The following CRELD1 variants were observed in gnomAD, a reference collection of about 807,000 sequenced individuals.
CRELD1 encodes protein disulfide isomerase CRELD1.
A neutral mutation model predicts 58.2 loss-of-function variants in CRELD1; 42 were observed. The ratio of observed to expected loss-of-function variants is 0.72; its 90% CI spans 0.56 to 0.93. The LOEUF (loss-of-function observed/expected upper bound fraction) is 0.93. CRELD1 is among the 40% of genes least tolerant of loss of function. The probability of loss-of-function intolerance (pLI) is 0.00; values close to 1 mark genes in which losing one functional copy is unlikely to be tolerated. For synonymous variants in CRELD1, 222 were observed against 202.0 expected, an observed-to-expected ratio of 1.10 and a Z score of -0.84; for missense variants, 500 against 540.6, an observed-to-expected ratio of 0.92 and a Z score of 0.74.
Position 9,944,862 on chromosome 3 carries a change from G to C in CRELD1, c.*283G>C. ...TTTTTCCTTAATGGTGGCTGCTAGA[G>C]CTTTGGCCCCTGCTTAGGATTAGGT... On this transcript the variant is annotated 3_prime_UTR_variant, in exon 11 of 11. Coordinates refer to ENST00000452070, the MANE Select transcript of CRELD1 (RefSeq NM_001077415.3). The C allele has an allele frequency of 2.1e-6, 1 of 467,066 alleles. No homozygotes were observed. Among genetic ancestry groups the C allele is most frequent in the Non-Finnish European group, 4.0e-6 (1 of 252,496 alleles). 28.9% of individuals were successfully genotyped at this position (467,066 alleles called of 1,614,324 possible).
At chr3:9,941,669 A>C (rs1159014070) in intron 7 of CRELD1, among the ~76,000 whole-genome samples, 1 of 151,758 alleles carries the variant, frequency 6.6e-6, no homozygotes, top group Non-Finnish European at 1.5e-5. Flanking sequence ...GGGTGCCTGT[A>C]GTCCCAGCTA....
chr3:9,938,076 C>T lies in CRELD1; in HGVS notation c.430C>T (p.Pro144Ser). ...LCSDSLKLCCPAGTFGPSCLP... is the reference protein window; with the variant it reads ...LCSDSLKLCCSAGTFGPSCLP... The stretch of plus-strand genomic sequence containing the variant: ...CTCAGATTCCCTGAAGCTCTGCTGC[C>T]CCGCAGGCACCTTCGGGCCCTCCTG... Residue 144 changes from proline to serine, a missense_variant, in exon 5 of 11, where the codon CCC (proline) becomes TCC (serine). Transcript: ENST00000452070. 6.2e-7 allele frequency: 1 copy of T among 1,613,984 alleles called. No homozygotes were observed. Among genetic ancestry groups the T allele is most frequent in the Non-Finnish European group, 8.5e-7 (1 of 1,180,012 alleles).
intron 3 of CRELD1, 98 bp from the exon 4 acceptor site, chr3:9,937,464 T>C (rs898856334): frequency 1.2e-6 from 1 of 819,004 alleles, no homozygotes; most frequent in Non-Finnish European, 2.1e-6. Context: ...GCCTCTCCTT[T>C]GATATTTTCA....
intron 8 of CRELD1, 64 bp downstream of exon 8, chr3:9,942,960 T>A: frequency 6.5e-7 from 1 of 1,544,818 alleles, no homozygotes; most frequent in South Asian, 1.1e-5. Context: ...TCCACACCTG[T>A]CCCTCCAAAC....
chr3:9,943,361 G>A lies in CRELD1; in HGVS notation c.914-20G>A. 6.2e-7 allele frequency: 1 copy of A among 1,613,844 alleles called. No individual in the cohort carries two copies. The highest frequency in any genetic ancestry group is 8.5e-7 in the Non-Finnish European group (1 of 1,179,968). On this transcript the variant is annotated intron_variant, in intron 9 of 10. Transcript: ENST00000452070. The stretch of plus-strand genomic sequence containing the variant: ...GGGTGGGGGGCCCTAGCAGGACTCT[G>A]ACCCCTCCCTCCCCTCAAGATGTGG...
chr3:9,934,656 A>C, intron 2 of CRELD1, 44 bp downstream of exon 2: 1 of 1,600,736 alleles, frequency 6.2e-7, no homozygotes, highest in Non-Finnish European at 8.6e-7. Context: ...ACAGCGATTT[A>C]GAGTGGGGAA....
intron 5 of CRELD1, 64 bp from the exon 6 acceptor site, chr3:9,940,786 A>AGGGAGACCATGGGGAGAGGGAG: frequency 1.4e-6 from 2 of 1,439,628 alleles, no homozygotes; most frequent in East Asian, 4.6e-5. Context: ...GGAGAGGGAG[A>AGGGAGACCATGGGGAGAGGGAG]AAATATTATC....
intron 5 of CRELD1, among the ~76,000 whole-genome samples, chr3:9,939,180 TAAATA>T (rs2085278505): frequency 1.5e-5 from 2 of 135,210 alleles, no homozygotes; most frequent in Non-Finnish European, 3.1e-5. Flanking sequence ...AATAAATAAA[TAAATA>T]AAAGGTCTGT....
intron 5 of CRELD1, among the ~76,000 whole-genome samples, chr3:9,940,403 C>T (rs1446616621): frequency 6.6e-5 from 10 of 152,224 alleles, no homozygotes; most frequent in East Asian, 1.9e-4. Flanking sequence ...AACGAGACTC[C>T]GTCTGCAATC....
chr3:9,940,742 G>A (rs1266733781), intron 5 of CRELD1, 108 bp from the exon 6 acceptor site: 29 of 722,132 alleles, frequency 4.0e-5, no homozygotes, highest in Non-Finnish European at 4.9e-5. Context: ...GGGAGGGGAG[G>A]GGGGGAGGGA....
intron 5 of CRELD1, among the ~76,000 whole-genome samples, chr3:9,939,560 T>C (rs945014762): frequency 6.6e-6 from 1 of 152,186 alleles, no homozygotes; most frequent in Admixed American, 6.5e-5. Flanking sequence ...CCTTCAAGCA[T>C]CTGTTTAACA....
chr3:9,943,647 G>A lies in CRELD1; in HGVS notation c.1048+132G>A, dbSNP rs970459487. On this transcript the variant is annotated intron_variant, in intron 10 of 10. Coordinates refer to ENST00000452070, the MANE Select transcript of CRELD1 (RefSeq NM_001077415.3). The stretch of plus-strand genomic sequence containing the variant: ...CACCCAGCCCCCTGGAGGCTGCACT[G>A]AGACCGGGCTCTACATCTGATCTCC... 10 of 1,571,644 alleles carry A rather than the reference G, an allele frequency of 6.4e-6. No homozygotes were observed. The African/African-American group carries it at 1.2e-4, about 19-fold the overall frequency.
At chr3:9,943,291 G>A in intron 9 of CRELD1, 90 bp from the exon 10 acceptor site, 1 of 1,602,446 alleles carries the variant, frequency 6.2e-7, no homozygotes, top group Non-Finnish European at 8.5e-7. Flanking sequence ...CTGGGCAAGG[G>A]CAGAGGGGAG....
At chr3:9,942,747 C>A in intron 7 of CRELD1, 66 bp from the exon 8 acceptor site, 1 of 1,273,472 alleles carries the variant, frequency 7.9e-7, no homozygotes, top group Non-Finnish European at 1.1e-6. Context: ...CATTCCCCAA[C>A]GGCTCTGGCT....
intron 5 of CRELD1, among the ~76,000 whole-genome samples, chr3:9,940,619 T>C (rs1340114966): frequency 7.0e-6 from 1 of 142,794 alleles, no homozygotes; most frequent in East Asian, 2.1e-4. Flanking sequence ...ATGGCAGCAG[T>C]ACAGTCCAGC....
chr3:9,940,934 A>C lies in CRELD1; in HGVS notation c.545A>C (p.Asp182Ala), dbSNP rs2085348865. The part of the protein sequence containing the change: ...EGTRGGSGHC[D>A]CQAGYGGEAC... The stretch of plus-strand genomic sequence containing the variant: ...ACACGAGGGGGCAGCGGGCACTGTG[A>C]CTGCCAAGCCGGCTACGGGGGTGAG... The change falls in exon 6 of 11, where the codon GAC becomes GCC. Residue 182 changes from aspartate to alanine, a missense_variant. Transcript: ENST00000452070. 6.2e-7 allele frequency: 1 copy of C among 1,613,986 alleles called. No individual in the cohort carries two copies. The highest frequency in any genetic ancestry group is 1.3e-5 in the African/African-American group (1 of 74,928).
intron 7 of CRELD1, among the ~76,000 whole-genome samples, chr3:9,942,580 A>T (rs894876907): frequency 4.6e-5 from 7 of 152,214 alleles, no homozygotes; most frequent in African/African-American, 1.7e-4. Context: ...TCCTGTTTAC[A>T]TCCTGTTGGC....
rs931691266 is a variant in CRELD1 at position 9,937,944 on chromosome 3, A to T, written c.369-71A>T. 5 of 1,105,196 alleles carry T rather than the reference A, an allele frequency of 4.5e-6. No homozygotes were observed. In the African/African-American group the frequency reaches 7.8e-5, roughly 17 times the overall value. 68.5% of individuals were successfully genotyped at this position (1,105,196 alleles called of 1,614,324 possible). On this transcript the variant is annotated intron_variant, in intron 4 of 10. Coordinates refer to ENST00000452070, the MANE Select transcript of CRELD1 (RefSeq NM_001077415.3). Reference sequence around the variant, plus strand: ...TGAATCACAGATTCAGGCATGGGGGAATGGGAACAGCACTTATGACACTAT... The same window carrying T: ...TGAATCACAGATTCAGGCATGGGGGTATGGGAACAGCACTTATGACACTAT...
chr3:9,943,388 T>C lies in CRELD1; in HGVS notation c.921T>C (p.Asp307=). The change falls in exon 10 of 11, where the codon GAT becomes GAC. Residue 307 remains aspartate (D), a synonymous_variant. Transcript: ENST00000452070. ...QQVGSKCLDV[D]ECETEVCPGE... The stretch of plus-strand genomic sequence containing the variant: ...CCCCTCCCTCCCCTCAAGATGTGGA[T>C]GAGTGTGAGACAGAGGTGTGTCCGG... 2 of 1,613,596 alleles carry C rather than the reference T, an allele frequency of 1.2e-6. No homozygotes were observed. The highest frequency in any genetic ancestry group is 1.7e-6 in the Non-Finnish European group (2 of 1,179,892).
Sources: gnomAD v4.1 joint callset for allele counts (sites outside exome capture counted in the v4.1 genomes callset) on GRCh38, gnomAD v4.1.1 for gene constraint, MANE v1.5 for transcripts, NCBI Gene and HGNC (gene_info 2026-07-23, HGNC 2026-07-21) for gene names.